The following LTBP1 variants were observed in gnomAD, a reference collection of about 807,000 sequenced individuals.
LTBP1 encodes latent-transforming growth factor beta-binding protein 1.
Under a neutral mutation model 207.6 loss-of-function variants are expected in LTBP1, and 129 were observed. That is an observed-to-expected ratio of 0.62 (90% CI 0.54 to 0.72). LTBP1 has a LOEUF of 0.72. Ranked by LOEUF, LTBP1 falls within the 30% of genes least tolerant of loss-of-function variation. The probability of loss-of-function intolerance (pLI) is 0.00; values close to 1 mark genes in which losing one functional copy is unlikely to be tolerated. For synonymous variants in LTBP1, 963 were observed against 833.7 expected, an observed-to-expected ratio of 1.16 and a Z score of -2.67; for missense variants, 2,281 against 2,217.2, an observed-to-expected ratio of 1.03 and a Z score of -0.58.
chr2:33,059,464 T>C (rs1164967300), intron 3 of LTBP1, among the ~76,000 whole-genome samples: 6 of 152,196 alleles, frequency 3.9e-5, no homozygotes, highest in Non-Finnish European at 7.3e-5. Flanking sequence ...ACTCCTTTTT[T>C]GGTTTAGGCT....
In LTBP1 at chr2:33,363,537, T is replaced by A; in HGVS notation, c.4399+19T>A. ...TGCTTTGGTAAGCTTTAGGGGGATATAGTATGGTGTACTGTGAAAATATAC... is the reference window on the plus strand; with the variant it reads ...TGCTTTGGTAAGCTTTAGGGGGATAAAGTATGGTGTACTGTGAAAATATAC... On this transcript the variant is annotated intron_variant, in intron 29 of 33. Transcript: ENST00000404816. The A allele has an allele frequency of 6.2e-7, 1 of 1,611,398 alleles. No individual in the cohort carries two copies. Among genetic ancestry groups the A allele is most frequent in the South Asian group, 1.1e-5 (1 of 90,660 alleles).
intron 2 of LTBP1, among the ~76,000 whole-genome samples, chr2:32,977,424 T>G (rs1558464386): frequency 6.6e-6 from 1 of 152,220 alleles, no homozygotes; most frequent in African/African-American, 2.4e-5. Context: ...AAGTTGGCAC[T>G]GAGCCTTGTC....
At chr2:33,175,503 A>G (rs990763516) in intron 5 of LTBP1, among the ~76,000 whole-genome samples, 1 of 152,218 alleles carries the variant, frequency 6.6e-6, no homozygotes, top group African/African-American at 2.4e-5. Flanking sequence ...GTCAGGAAAC[A>G]ACAGATGCTG....
intron 2 of LTBP1, among the ~76,000 whole-genome samples, chr2:33,007,861 A>G (rs2149061121): frequency 6.6e-6 from 1 of 152,308 alleles, no homozygotes; most frequent in South Asian, 2.1e-4. Flanking sequence ...CGCTCTTTGT[A>G]TTATTTCCAT....
At chr2:33,137,875 C>T (rs753805861) in intron 5 of LTBP1, among the ~76,000 whole-genome samples, 6 of 152,112 alleles carry the variant, frequency 3.9e-5, no homozygotes, top group Non-Finnish European at 1.5e-5. Flanking sequence ...GTTTTCTTAC[C>T]TACCTGGAGT....
At chr2:33,187,351 A>G (rs2087317534) in intron 6 of LTBP1, among the ~76,000 whole-genome samples, 2 of 152,174 alleles carry the variant, frequency 1.3e-5, no homozygotes, top group African/African-American at 4.8e-5. Flanking sequence ...GAGCTAATAA[A>G]TGTGCATGGT....
chr2:33,099,798 C>T (rs1344649323), intron 3 of LTBP1, among the ~76,000 whole-genome samples: 1 of 152,154 alleles, frequency 6.6e-6, no homozygotes, highest in Non-Finnish European at 1.5e-5. Context: ...CTGTGGGTGC[C>T]TCTCATAGTG....
At chr2:33,050,790 A>T (rs576742026) in intron 3 of LTBP1, among the ~76,000 whole-genome samples, 1 of 151,220 alleles carries the variant, frequency 6.6e-6, no homozygotes, top group African/African-American at 2.4e-5. Context: ...CTGGAGTGTA[A>T]TGGCATGATC....
At chr2:33,164,976 A>G (rs1421012399) in intron 5 of LTBP1, among the ~76,000 whole-genome samples, 2 of 152,224 alleles carry the variant, frequency 1.3e-5, no homozygotes, top group Non-Finnish European at 2.9e-5. Context: ...GGTGGGCCTC[A>G]AAATCGAAAG....
rs952433526 is a variant in LTBP1, at chr2:33,134,152, T to C, written c.1034-641T>C. On this transcript the variant is annotated intron_variant, in intron 4 of 33. Coordinates refer to ENST00000404816, the MANE Select transcript of LTBP1 (RefSeq NM_206943.4). The surrounding 1 kb of genome is among the most constrained non-coding windows in gnomAD (Gnocchi z 4.4). ...GCCCCGTTCACAGGAAAACAAAATA[T>C]ATGTTGCCTAAATTCTTATGGAGAA... Among the ~76,000 whole-genome samples, 3 of 152,182 alleles carry C rather than the reference T, an allele frequency of 2.0e-5. No homozygotes were observed. Among genetic ancestry groups the C allele is most frequent in the South Asian group, 2.1e-4 (1 of 4,828 alleles).
At chr2:33,383,471 C>T (rs1263225214) in intron 31 of LTBP1, among the ~76,000 whole-genome samples, 9 of 152,194 alleles carry the variant, frequency 5.9e-5, no homozygotes. Flanking sequence ...ACACCATTGT[C>T]GTTAATCCAT....
intron 31 of LTBP1, among the ~76,000 whole-genome samples, chr2:33,367,083 A>G (rs566961240): frequency 4.5e-4 from 69 of 152,102 alleles, no homozygotes; most frequent in African/African-American, 1.6e-3. Context: ...CTTATATATT[A>G]ATTATCATTA....
At chr2:33,067,373 G>C (rs2077564947) in intron 3 of LTBP1, among the ~76,000 whole-genome samples, 1 of 152,158 alleles carries the variant, frequency 6.6e-6, no homozygotes, top group African/African-American at 2.4e-5. Flanking sequence ...TTAATCACTA[G>C]TAATATTAAG....
At chr2:32,947,845 C>G in intron 1 of LTBP1, 27 bp downstream of exon 1, 1 of 1,279,306 alleles carries the variant, frequency 7.8e-7, no homozygotes, top group South Asian at 2.9e-5. Context: ...TTCCGCCCGC[C>G]CGCCCGCCTC....
rs2092416528 is a variant in LTBP1 at position 33,243,756 on chromosome 2, G to T, written c.1971G>T (p.Gly657=). ...GATGTACCTGCAAAATAGGATTTGGGCCGGATCCTACCTTTTCAAGTTGTG... is the reference window on the plus strand; with the variant it reads ...GATGTACCTGCAAAATAGGATTTGGTCCGGATCCTACCTTTTCAAGTTGTG... ...SYRCTCKIGF[G]PDPTFSSCVP... is the part of the protein sequence containing the mutation. The change falls in exon 10 of 34, where the codon GGG becomes GGT. Residue 657 remains glycine (G), a synonymous_variant. Transcript: ENST00000404816. The T allele has an allele frequency of 1.5e-5, 24 of 1,614,028 alleles. No individual in the cohort carries two copies. Among genetic ancestry groups the T allele is most frequent in the Non-Finnish European group, 1.9e-5 (23 of 1,179,922 alleles).
chr2:33,081,548 C>T (rs745827502), intron 3 of LTBP1, among the ~76,000 whole-genome samples: 23 of 152,074 alleles, frequency 1.5e-4, no homozygotes, highest in Non-Finnish European at 2.4e-4. Context: ...TAGGAAATCT[C>T]GGGCTCTGTA....
intron 3 of LTBP1, among the ~76,000 whole-genome samples, chr2:33,078,222 T>A (rs984776614): frequency 4.6e-5 from 7 of 152,346 alleles, no homozygotes; most frequent in African/African-American, 1.7e-4. Context: ...TATTAAGTGA[T>A]GTTAAGTGTT....
At chr2:32,949,845 T>C (rs1219018823) in intron 2 of LTBP1, among the ~76,000 whole-genome samples, 1 of 152,196 alleles carries the variant, frequency 6.6e-6, no homozygotes. Context: ...GGTGACCTTG[T>C]TTGTTGAAAA....
rs555388122 is a variant in LTBP1 at position 33,229,031 on chromosome 2, G to A, written c.1876+6880G>A. On this transcript the variant is annotated intron_variant, in intron 9 of 33. Coordinates refer to ENST00000404816, the MANE Select transcript of LTBP1 (RefSeq NM_206943.4). Reference sequence around the variant, plus strand: ...GGGTTATACTCTCATACCACCTATGGCCACCTTTACCAATTATATATTTGT... The same window carrying A: ...GGGTTATACTCTCATACCACCTATGACCACCTTTACCAATTATATATTTGT... Among the ~76,000 whole-genome samples the A allele has an allele frequency of 1.5e-3, 231 of 152,016 alleles. 1 individual carries two copies. The highest frequency in any genetic ancestry group is 5.5e-3 in the African/African-American group (230 of 41,468).
Sources: allele counts gnomAD v4.1 joint callset (sites outside exome capture counted in the v4.1 genomes callset), GRCh38; gene constraint gnomAD v4.1.1; non-coding constraint Gnocchi (gnomAD v3.1); transcripts MANE v1.5; gene names NCBI Gene and HGNC (gene_info 2026-07-23, HGNC 2026-07-21).